Variants in SPHKAP observed in about 807,000 individuals in gnomAD.
SPHKAP encodes the protein A-kinase anchor protein SPHKAP.
A neutral mutation model predicts 137.5 loss-of-function variants in SPHKAP; 67 were observed. The observed-to-expected ratio is 0.49, with a 90% CI of 0.40 to 0.60. SPHKAP has a LOEUF of 0.60. Ranked by LOEUF, SPHKAP falls within the 20% of genes least tolerant of loss-of-function variation. The pLI, the probability that SPHKAP is intolerant of heterozygous loss-of-function variation, is 0.00. For synonymous variants in SPHKAP, 813 were observed against 785.3 expected, an observed-to-expected ratio of 1.04 and a Z score of -0.59; for missense variants, 2,097 against 2,069.3, an observed-to-expected ratio of 1.01 and a Z score of -0.26.
chr2:228,046,285 G>A (rs540400202), intron 3 of SPHKAP, among the ~76,000 whole-genome samples: 5 of 73,390 alleles, frequency 6.8e-5, no homozygotes, highest in African/African-American at 2.6e-4. Context: ...GAATACTGTT[G>A]TTATTCTTTT....
At position 228,016,877 on chromosome 2, in the gene SPHKAP, T is replaced by A; in HGVS notation, c.3977A>T (p.Asp1326Val). 1 of 1,614,086 alleles carries A rather than the reference T, an allele frequency of 6.2e-7. No homozygotes were observed. The highest frequency in any genetic ancestry group is 8.5e-7 in the Non-Finnish European group (1 of 1,180,018). Residue 1326 changes from aspartate to valine, a missense_variant, in exon 7 of 12, where the codon GAT becomes GTT. Asp to Val is a radical substitution (Grantham distance 152). Transcript: ENST00000392056. Reference protein sequence around the residue: ...ALMRKNKIIVDDAEEADTEPV... With the variant: ...ALMRKNKIIVVDAEEADTEPV... ...CTCAGTGTCAGCTTCCTCTGCATCA[T>A]CCACAATGATTTTGTTCTTGCGCAT...
At chr2:228,124,236 A>AAATT (rs1699001699) in intron 2 of SPHKAP, among the ~76,000 whole-genome samples, 1 of 152,232 alleles carries the variant, frequency 6.6e-6, no homozygotes, top group Non-Finnish European at 1.5e-5. Context: ...ATTACTGGGT[A>AAATT]TATACCCAAA....
chr2:228,181,485 T>G lies in SPHKAP; in HGVS notation c.32+82A>C, dbSNP rs1700911714. ...GAGCCCCGTGCAAACCGAAGCGCTCTGGGGCAAGTTGGTGAGCGACTCACA... is the reference window on the plus strand; with the variant it reads ...GAGCCCCGTGCAAACCGAAGCGCTCGGGGGCAAGTTGGTGAGCGACTCACA... On this transcript the variant is annotated intron_variant, in intron 1 of 11. Coordinates refer to ENST00000392056, the MANE Select transcript of SPHKAP (RefSeq NM_001142644.2). The surrounding 1 kb of genome is among the most constrained non-coding windows in gnomAD (Gnocchi z 4.3). The G allele has an allele frequency of 1.9e-6, 3 of 1,601,202 alleles. No homozygotes were observed. The highest frequency in any genetic ancestry group is 1.7e-6 in the Non-Finnish European group (2 of 1,168,514).
At chr2:228,046,019 C>T (rs1235963975) in intron 3 of SPHKAP, among the ~76,000 whole-genome samples, 5 of 151,996 alleles carry the variant, frequency 3.3e-5, no homozygotes, top group Non-Finnish European at 7.4e-5. Context: ...CTTAATTGTA[C>T]TATATTGTTT....
In SPHKAP at chr2:228,018,112, G is replaced by T; in HGVS notation, c.2742C>A (p.Ser914=). 1 of 1,614,190 alleles carries T rather than the reference G, an allele frequency of 6.2e-7. No homozygotes were observed. The highest frequency in any genetic ancestry group is 8.5e-7 in the Non-Finnish European group (1 of 1,180,044). The change falls in exon 7 of 12, where the codon TCC becomes TCA. Residue 914 remains serine, a synonymous_variant. Coordinates refer to ENST00000392056, the MANE Select transcript of SPHKAP (RefSeq NM_001142644.2). ...LGDDLLLPAQ[S]TLQTKHPDIY... ...TGTCTGGATGCTTTGTTTGAAGCGT[G>T]GATTGAGCAGGAAGCAGCAGGTCAT...
In SPHKAP at chr2:228,019,726, G is replaced by T; in HGVS notation, c.1128C>A (p.Asn376Lys). The T allele has an allele frequency of 6.2e-7, 1 of 1,614,176 alleles. No individual in the cohort carries two copies. Among genetic ancestry groups the T allele is most frequent in the Non-Finnish European group, 8.5e-7 (1 of 1,180,020 alleles). ...LNPGDHEDTR[N>K]ALPPRQDGEV... is the part of the protein sequence containing the mutation. Reference sequence around the variant, plus strand: ...CTCCATCTTGTCTAGGAGGGAGAGCGTTTCTTGTGTCTTCATGGTCTCCTG... The same window carrying T: ...CTCCATCTTGTCTAGGAGGGAGAGCTTTTCTTGTGTCTTCATGGTCTCCTG... Residue 376 changes from asparagine to lysine, a missense_variant, in exon 7 of 12, where the codon AAC becomes AAA. By Grantham distance (94) the Asn-to-Lys change is moderately conservative. Transcript: ENST00000392056.
At chr2:228,037,673 C>T (rs975054562) in intron 3 of SPHKAP, among the ~76,000 whole-genome samples, 2 of 152,004 alleles carry the variant, frequency 1.3e-5, no homozygotes, top group Non-Finnish European at 2.9e-5. Flanking sequence ...TCTCAGTTTG[C>T]GGGGAGATAA....
At chr2:228,081,726 G>T (rs1177928260) in intron 3 of SPHKAP, among the ~76,000 whole-genome samples, 1 of 152,152 alleles carries the variant, frequency 6.6e-6, no homozygotes, top group Non-Finnish European at 1.5e-5. Context: ...TTGCTGATGT[G>T]TAGAGTTTTA....
At position 227,980,658 on chromosome 2, in the gene SPHKAP, C is replaced by A. The variant is rs942208138; in HGVS notation, c.*1059G>T. ...AGTCAGGGAAAGTCTATGATCCTAA[C>A]TGATCATGTCAAACACAAGACCATT... On this transcript the variant is annotated 3_prime_UTR_variant, in exon 12 of 12. Coordinates refer to ENST00000392056, the MANE Select transcript of SPHKAP (RefSeq NM_001142644.2). The A allele has an allele frequency of 1.4e-5, 2 of 139,386 alleles. No individual in the cohort carries two copies. The highest frequency in any genetic ancestry group is 3.3e-5 in the Non-Finnish European group (2 of 60,304). The allele number at this position is 139,386 out of a possible 1,614,324, so 8.6% of individuals were successfully genotyped here. A position where few individuals can be genotyped will look rare whatever the true frequency, so the allele number is the denominator to read the frequency against.
intron 1 of SPHKAP, among the ~76,000 whole-genome samples, chr2:228,177,183 G>T (rs2106436108): frequency 6.6e-6 from 1 of 150,828 alleles, no homozygotes; most frequent in Middle Eastern, 3.4e-3. Flanking sequence ...TTTTAATGTT[G>T]GTCTTTTAAG....
intron 3 of SPHKAP, among the ~76,000 whole-genome samples, chr2:228,036,781 G>A (rs528329289): frequency 6.6e-6 from 1 of 151,956 alleles, no homozygotes; most frequent in South Asian, 2.1e-4. Context: ...ACTATCGCAA[G>A]GACAAAAAAC....
intron 11 of SPHKAP, chr2:227,982,266 G>A: frequency 1.0e-6 from 1 of 985,290 alleles, no homozygotes; most frequent in South Asian, 4.7e-5. Context: ...CTCATTGGGT[G>A]TGTAAATTTA....
chr2:228,152,335 G>C (rs866070176), intron 1 of SPHKAP, among the ~76,000 whole-genome samples: 9 of 152,182 alleles, frequency 5.9e-5, no homozygotes, highest in African/African-American at 1.9e-4. Flanking sequence ...TAGGTGAATA[G>C]AAACTTAAAA....
chr2:228,153,562 C>T (rs755136587), intron 1 of SPHKAP, among the ~76,000 whole-genome samples: 1 of 152,036 alleles, frequency 6.6e-6, no homozygotes, highest in African/African-American at 2.4e-5. Context: ...TCCATTGTTG[C>T]TTTTGTGAAG....
At chr2:228,156,771 C>T (rs1275306977) in intron 1 of SPHKAP, among the ~76,000 whole-genome samples, 11 of 152,084 alleles carry the variant, frequency 7.2e-5, no homozygotes, top group Admixed American at 4.6e-4. Flanking sequence ...CTAAGTCTCA[C>T]GAGGTCTGAT....
At chr2:228,075,080 A>G (rs990351206) in intron 3 of SPHKAP, among the ~76,000 whole-genome samples, 2 of 152,208 alleles carry the variant, frequency 1.3e-5, no homozygotes, top group African/African-American at 4.8e-5. Flanking sequence ...CTTAGTCACC[A>G]TGGTAGCTCC....
chr2:228,016,324 T>C, intron 7 of SPHKAP, 82 bp downstream of exon 7: 2 of 1,486,230 alleles, frequency 1.3e-6, no homozygotes, highest in Non-Finnish European at 1.8e-6. Context: ...AAATCCTTTA[T>C]GTCTAAAATT....
intron 7 of SPHKAP, among the ~76,000 whole-genome samples, chr2:228,001,290 T>C (rs1693855128): frequency 6.9e-6 from 1 of 145,340 alleles, no homozygotes; most frequent in Non-Finnish European, 1.5e-5. Context: ...TACATATATC[T>C]ATACATATAA....
rs1014206748 is a variant in SPHKAP at position 228,016,886 on chromosome 2, A to G, written c.3968T>C (p.Ile1323Thr). 6.2e-7 allele frequency: 1 copy of G among 1,613,872 alleles called. No individual in the cohort carries two copies. The highest frequency in any genetic ancestry group is 8.5e-7 in the Non-Finnish European group (1 of 1,180,000). ...AGCTTCCTCTGCATCATCCACAATG[A>G]TTTTGTTCTTGCGCATGAGAGCCTC... is the stretch of plus-strand genomic sequence containing the variant. ...SIEALMRKNKIIVDDAEEADT... is the reference protein window; with the variant it reads ...SIEALMRKNKTIVDDAEEADT... The change falls in exon 7 of 12, where the codon ATC (isoleucine) becomes ACC (threonine). Residue 1323 changes from isoleucine (I) to threonine (T), a missense_variant. Transcript: ENST00000392056.
Sources: allele counts gnomAD v4.1 joint callset (sites outside exome capture counted in the v4.1 genomes callset), GRCh38; gene constraint gnomAD v4.1.1; non-coding constraint Gnocchi (gnomAD v3.1); transcripts MANE v1.5; gene names NCBI Gene and HGNC (gene_info 2026-07-23, HGNC 2026-07-21).